The following ADCY2 variants were observed in gnomAD, a reference collection of about 807,000 sequenced individuals.
The protein encoded by ADCY2 is adenylate cyclase type 2.
ADCY2 carries 31 observed loss-of-function variants against 125.2 expected under a neutral mutation model. The observed-to-expected ratio is 0.25, with a 90% confidence interval of 0.19 to 0.33. The LOEUF is 0.33. Among genes scored for constraint, ADCY2 ranks in the 10% least tolerant of loss-of-function variants. The pLI is 1.00. For synonymous variants in ADCY2, 512 were observed against 548.4 expected (o/e 0.93, Z 0.93); for missense variants, 904 against 1,418.2 (o/e 0.64, Z 5.82).
intron 24 of ADCY2, among the ~76,000 whole-genome samples, chr5:7,823,990 G>A (rs1028365591): frequency 6.6e-6 from 1 of 152,194 alleles, no homozygotes; most frequent in Non-Finnish European, 1.5e-5. Flanking sequence ...CATGTTTGTA[G>A]ACCTGTGTTT....
chr5:7,788,483 T>C (rs1744152756), intron 19 of ADCY2, among the ~76,000 whole-genome samples: 1 of 152,170 alleles, frequency 6.6e-6, no homozygotes, highest in Non-Finnish European at 1.5e-5. Flanking sequence ...TCTGGCTAAA[T>C]ATAAACAAAC....
intron 3 of ADCY2, among the ~76,000 whole-genome samples, chr5:7,588,245 G>T (rs984617441): frequency 6.6e-6 from 1 of 152,044 alleles, no homozygotes; most frequent in Non-Finnish European, 1.5e-5. Context: ...TAGAAAACAT[G>T]TACAAGGAAA....
rs184766688 is a variant in ADCY2 at position 7,789,811 on chromosome 5, G to C, written c.2628+11G>C. On this transcript the variant is annotated intron_variant, in intron 20 of 24. Coordinates refer to ENST00000338316, the MANE Select transcript of ADCY2 (RefSeq NM_020546.3). ...AGCCTGAAGAATGAGGTCAGACCAG[G>C]GGGGCTGGGGGCTGGGGGAGGGGGC... is the stretch of plus-strand genomic sequence containing the variant. The C allele has an allele frequency of 4.7e-3, 7,006 of 1,487,412 alleles. 41 individuals carry two copies. The highest frequency in any genetic ancestry group is 0.012 in the Middle Eastern group (49 of 4,144). 92.1% of individuals were successfully genotyped at this position (1,487,412 alleles called of 1,614,324 possible).
chr5:7,789,923 T>C (rs1744200791), intron 20 of ADCY2, 123 bp downstream of exon 20: 9 of 716,048 alleles, frequency 1.3e-5, no homozygotes, highest in Middle Eastern at 4.0e-4. Context: ...GTGTTCAAAT[T>C]GGCCAAGATT....
At chr5:7,667,088 C>A (rs1480990499) in intron 4 of ADCY2, among the ~76,000 whole-genome samples, 1 of 152,126 alleles carries the variant, frequency 6.6e-6, no homozygotes, top group South Asian at 2.1e-4. Context: ...AAGACTCATG[C>A]TCGGGTAAAT....
At chr5:7,747,362 A>G in intron 15 of ADCY2, among the ~76,000 whole-genome samples, 1 of 152,204 alleles carries the variant, frequency 6.6e-6, no homozygotes, top group East Asian at 1.9e-4. Context: ...CCCCTTGAAT[A>G]TATAGAGTTC....
intron 21 of ADCY2, 93 bp from the exon 22 acceptor site, chr5:7,804,492 A>G: frequency 1.0e-6 from 1 of 970,594 alleles, no homozygotes; most frequent in Non-Finnish European, 1.7e-6. Context: ...TCACGGCATT[A>G]CTGTGAACCA....
intron 20 of ADCY2, chr5:7,793,718 A>G (rs895900360): frequency 1.3e-5 from 2 of 152,132 alleles, no homozygotes; most frequent in East Asian, 1.9e-4. Context: ...AAGAAGGTGA[A>G]CCCCTTGGGG....
chr5:7,562,605 G>A (rs1735739174), intron 3 of ADCY2, among the ~76,000 whole-genome samples: 1 of 152,126 alleles, frequency 6.6e-6, no homozygotes, highest in South Asian at 2.1e-4. Flanking sequence ...CCTGGAGCAT[G>A]CGTGCACAGA....
chr5:7,500,107 G>C (rs144657318), intron 2 of ADCY2, among the ~76,000 whole-genome samples: 3 of 152,124 alleles, frequency 2.0e-5, no homozygotes, highest in Admixed American at 2.0e-4. Context: ...TGCACTATAA[G>C]AGGCTCACAG....
chr5:7,508,562 A>C (rs1442120443), intron 2 of ADCY2, among the ~76,000 whole-genome samples: 1 of 152,152 alleles, frequency 6.6e-6, no homozygotes, highest in Admixed American at 6.5e-5. Context: ...AGGGCTGGCA[A>C]AAATATGGAC....
At chr5:7,810,304 A>G (rs1333064855) in intron 22 of ADCY2, among the ~76,000 whole-genome samples, 1 of 151,686 alleles carries the variant, frequency 6.6e-6, no homozygotes, top group African/African-American at 2.4e-5. Flanking sequence ...TGGGTTATCT[A>G]CCTGATTGGT....
At chr5:7,631,341 C>T (rs1258395013) in intron 4 of ADCY2, among the ~76,000 whole-genome samples, 1 of 152,218 alleles carries the variant, frequency 6.6e-6, no homozygotes, top group African/African-American at 2.4e-5. Context: ...GCCTACCACT[C>T]TCCGTCTTCT....
intron 18 of ADCY2, among the ~76,000 whole-genome samples, chr5:7,774,933 T>C (rs1447329851): frequency 6.6e-6 from 1 of 152,236 alleles, no homozygotes; most frequent in Non-Finnish European, 1.5e-5. Context: ...GTGAAATAAT[T>C]GCATCATGGA....
At chr5:7,581,831 A>AG (rs1736446801) in intron 3 of ADCY2, among the ~76,000 whole-genome samples, 1 of 151,844 alleles carries the variant, frequency 6.6e-6, no homozygotes, top group Non-Finnish European at 1.5e-5. Context: ...AAAAAAAAAA[A>AG]AAAAGAAAAA....
intron 1 of ADCY2, among the ~76,000 whole-genome samples, chr5:7,397,312 T>C (rs1739087964): frequency 6.6e-6 from 1 of 152,156 alleles, no homozygotes; most frequent in Non-Finnish European, 1.5e-5. Context: ...CTCGCTCCCT[T>C]GAAAAGTGAG....
chr5:7,597,459 G>A (rs759449152), intron 3 of ADCY2, among the ~76,000 whole-genome samples: 1 of 152,194 alleles, frequency 6.6e-6, no homozygotes, highest in African/African-American at 2.4e-5. Context: ...CCCTTCAGGA[G>A]CAGTAGAATA....
chr5:7,750,255 T>C (rs983573154), intron 15 of ADCY2, among the ~76,000 whole-genome samples: 6 of 152,192 alleles, frequency 3.9e-5, no homozygotes, highest in African/African-American at 9.6e-5. Context: ...TTGGAACTTA[T>C]ATACTCTAGT....
rs555162190 is a variant in ADCY2 at position 7,566,131 on chromosome 5, C to T, written c.570+45232C>T. ...AGCAAGGAATTGCACCAAGATGGGT[C>T]AGCACATTCTGAAGGCAGCTGTCAA... On this transcript the variant is annotated intron_variant, in intron 3 of 24. Coordinates refer to ENST00000338316, the MANE Select transcript of ADCY2 (RefSeq NM_020546.3). Among the ~76,000 whole-genome samples, 123 of 152,248 alleles carry T rather than the reference C, an allele frequency of 8.1e-4. 1 individual carries two copies. Among genetic ancestry groups the T allele is most frequent in the African/African-American group, 2.8e-3 (118 of 41,564 alleles).
Sources: gnomAD v4.1 joint callset for allele counts (sites outside exome capture counted in the v4.1 genomes callset) on GRCh38, gnomAD v4.1.1 for gene constraint, MANE v1.5 for transcripts, NCBI Gene and HGNC (gene_info 2026-07-23, HGNC 2026-07-21) for gene names.